The following GARIN1B variants were observed in gnomAD, a reference collection of about 807,000 sequenced individuals.
GARIN1B encodes golgi associated RAB2 interactor 1B, also known as Golgi-associated RAB2 interactor protein 1B.
At chr7:128,729,986 G>C in the GARIN1B span, 1 of 1,614,204 alleles carries the variant, frequency 6.2e-7, no homozygotes. Context: ...GAGTGGGAAA[G>C]AGAGAACCCC....
the GARIN1B span, among the ~76,000 whole-genome samples, chr7:128,730,298 T>A: frequency 2.0e-5 from 3 of 152,210 alleles, no homozygotes; most frequent in Non-Finnish European, 4.4e-5. Flanking sequence ...GTTGACGCTA[T>A]AGCTGCTTTC....
chr7:128,730,295 C>T, the GARIN1B span, among the ~76,000 whole-genome samples: 2 of 152,202 alleles, frequency 1.3e-5, no homozygotes, highest in South Asian at 2.1e-4. Flanking sequence ...GCTGTTGACG[C>T]TATAGCTGCT....
the GARIN1B span, among the ~76,000 whole-genome samples, chr7:128,728,232 A>G: frequency 6.6e-6 from 1 of 152,152 alleles, no homozygotes; most frequent in African/African-American, 2.4e-5. Flanking sequence ...TCACGAGGTT[A>G]GGAGTTCGAG....
At chr7:128,723,457 A>G in the GARIN1B span, 1 of 1,040,450 alleles carries the variant, frequency 9.6e-7, no homozygotes, top group Non-Finnish European at 1.3e-6. Context: ...TCACGCCTGT[A>G]TTCCCGGCAC....
chr7:128,717,557 CT>C, the GARIN1B span, among the ~76,000 whole-genome samples: 1,441 of 151,320 alleles, frequency 9.5e-3, 23 homozygotes, highest in African/African-American at 0.033. Flanking sequence ...AGTGATTCTC[CT>C]GCCTCAGCCT....
At chr7:128,709,692 G>T in the GARIN1B span, among the ~76,000 whole-genome samples, 10 of 149,194 alleles carry the variant, frequency 6.7e-5, no homozygotes, top group African/African-American at 2.5e-4. Flanking sequence ...TTAATATGGG[G>T]TTTTCCAGTG....
the GARIN1B span, chr7:128,731,106 C>T: frequency 1.2e-6 from 2 of 1,611,724 alleles, no homozygotes; most frequent in African/African-American, 2.7e-5. Flanking sequence ...ACAGGAAATT[C>T]TATTTGAGCC....
At chr7:128,730,494 G>A in the GARIN1B span, among the ~76,000 whole-genome samples, 1 of 152,088 alleles carries the variant, frequency 6.6e-6, no homozygotes, top group Admixed American at 6.5e-5. Flanking sequence ...CAGTCCTTCT[G>A]TCTTCATGCT....
chr7:128,723,227 C>G, the GARIN1B span: 1 of 1,612,496 alleles, frequency 6.2e-7, no homozygotes, highest in South Asian at 1.1e-5. Flanking sequence ...AGCCTCCCAG[C>G]CCAGCGAGAG....
chr7:128,719,099 T>C, the GARIN1B span: 4 of 1,610,416 alleles, frequency 2.5e-6, no homozygotes, highest in Admixed American at 5.0e-5. Context: ...TGAGCACCAT[T>C]GCCACCCTGC....
At chr7:128,721,281 G>C in the GARIN1B span, among the ~76,000 whole-genome samples, 1 of 152,050 alleles carries the variant, frequency 6.6e-6, no homozygotes, top group African/African-American at 2.4e-5. Context: ...GGCCTATTTT[G>C]TAGTTTTTAG....
At chr7:128,721,546 A>G in the GARIN1B span, among the ~76,000 whole-genome samples, 1 of 152,160 alleles carries the variant, frequency 6.6e-6, no homozygotes, top group African/African-American at 2.4e-5. Context: ...GCCATCTGCA[A>G]TAAGGACAGT....
At chr7:128,720,203 CTT>C in the GARIN1B span, among the ~76,000 whole-genome samples, 18 of 139,224 alleles carry the variant, frequency 1.3e-4, no homozygotes, top group Admixed American at 2.1e-4. Flanking sequence ...TTTCCTTCTT[CTT>C]TTTTTTTTTT....
At chr7:128,718,711 C>A in the GARIN1B span, 1 of 1,283,760 alleles carries the variant, frequency 7.8e-7, no homozygotes. Context: ...TGTGCTAAAG[C>A]ACCCTCTTTT....
the GARIN1B span, chr7:128,723,179 CT>C: frequency 2.5e-6 from 4 of 1,595,398 alleles, no homozygotes; most frequent in South Asian, 2.2e-5. Flanking sequence ...CCTGGTTCTG[CT>C]TTTTTTCTTC....
chr7:128,709,750 C>CTCTGTCT, the GARIN1B span, among the ~76,000 whole-genome samples: 21 of 114,614 alleles, frequency 1.8e-4, no homozygotes, highest in South Asian at 2.8e-4. Context: ...CTCTCTCTCT[C>CTCTGTCT]TTTTTTTTTT....
chr7:128,730,131 T>A, the GARIN1B span: 1 of 1,561,306 alleles, frequency 6.4e-7, no homozygotes, highest in Non-Finnish European at 8.7e-7. Context: ...GCCTCAGGGC[T>A]GGGTCAGATC....
chr7:128,724,848 C>T, the GARIN1B span: 4 of 1,289,438 alleles, frequency 3.1e-6, no homozygotes, highest in Admixed American at 9.2e-5. Flanking sequence ...AAAACCAGTA[C>T]AGCTTGGAGG....
At chr7:128,730,089 C>T in the GARIN1B span, 4 of 1,603,748 alleles carry the variant, frequency 2.5e-6, no homozygotes, top group Non-Finnish European at 3.4e-6. Context: ...TGGGAGGAAT[C>T]CCCTGCCATT....
Sources: allele counts gnomAD v4.1 joint callset (sites outside exome capture counted in the v4.1 genomes callset), GRCh38; gene constraint gnomAD v4.1.1; transcripts MANE v1.5; gene names NCBI Gene and HGNC (gene_info 2026-07-23, HGNC 2026-07-21).